The following MRPS31 variants were observed in gnomAD, a reference collection of about 807,000 sequenced individuals.
MRPS31 encodes the protein small ribosomal subunit protein mS31.
Under a neutral mutation model 43.1 loss-of-function variants are expected in MRPS31, and 32 were observed. The observed-to-expected ratio is 0.74, with a 90% CI of 0.56 to 1.00. The LOEUF is 1.00. MRPS31 is among the 50% of genes least tolerant of loss of function. MRPS31 has a pLI of 0.00. For synonymous variants in MRPS31, 165 were observed against 161.6 expected, an observed-to-expected ratio of 1.02 and a Z score of -0.16; for missense variants, 437 against 466.7, an observed-to-expected ratio of 0.94 and a Z score of 0.59.
At position 40,744,363 on chromosome 13, in the gene MRPS31, A is replaced by G. The variant is rs548900946; in HGVS notation, c.958+4775T>C. On this transcript the variant is annotated intron_variant, in intron 6 of 6. Transcript: ENST00000323563. ...CCTGAACCTAAAATTAAAGTTGGAA[A>G]TAAAAAAATAGGAAGAAAACACAAA... Among the ~76,000 whole-genome samples the G allele has an allele frequency of 2.6e-5, 4 of 152,354 alleles. No homozygotes were observed. In the South Asian group the frequency reaches 8.3e-4, roughly 32 times the overall value.
At chr13:40,770,803 G>T in intron 1 of MRPS31, 182 bp downstream of exon 1, 1 of 702,966 alleles carries the variant, frequency 1.4e-6, no homozygotes, top group South Asian at 1.8e-5. Flanking sequence ...ACAGCGACCA[G>T]GTTTGTAATC....
At chr13:40,761,419 T>C (rs1008134610) in intron 2 of MRPS31, among the ~76,000 whole-genome samples, 3 of 152,240 alleles carry the variant, frequency 2.0e-5, no homozygotes, top group Admixed American at 6.5e-5. Flanking sequence ...TTTTAATATA[T>C]TTGATCAAAG....
chr13:40,743,494 C>G (rs1216149308), intron 6 of MRPS31, among the ~76,000 whole-genome samples: 1 of 152,056 alleles, frequency 6.6e-6, no homozygotes, highest in Non-Finnish European at 1.5e-5. Context: ...GGAACTCAAA[C>G]AATTGAAGAA....
At chr13:40,750,772 ATT>A (rs1491520546) in intron 5 of MRPS31, among the ~76,000 whole-genome samples, 21 of 132,436 alleles carry the variant, frequency 1.6e-4, no homozygotes, top group Middle Eastern at 4.1e-3. Flanking sequence ...ATATATATAT[ATT>A]ACATATATAT....
intron 5 of MRPS31, among the ~76,000 whole-genome samples, chr13:40,751,844 TATA>T (rs1880399720): frequency 6.6e-6 from 1 of 152,134 alleles, no homozygotes. Flanking sequence ...CTAACTAGAG[TATA>T]ATAATTTGAT....
chr13:40,747,581 C>A (rs1467660693), intron 6 of MRPS31, among the ~76,000 whole-genome samples: 1 of 152,106 alleles, frequency 6.6e-6, no homozygotes, highest in Non-Finnish European at 1.5e-5. Context: ...ATTGCAGGTA[C>A]TATATGAATA....
rs1481732456 is a variant in MRPS31 at position 40,766,757 on chromosome 13, A to T, written c.429T>A (p.Ala143=). The T allele has an allele frequency of 1.9e-6, 3 of 1,603,644 alleles. No homozygotes were observed. In the East Asian group the frequency reaches 6.7e-5, roughly 36 times the overall value. ...LGRLRRATEY[A]PKKRIEPLSP... is the part of the protein sequence containing the mutation. ...ACAATTAAATTTACCTCTTCTTTGG[A>T]GCATATTCTGTAGCTCTTCGAAGCC... The change falls in exon 2 of 7, where the codon GCT becomes GCA. Residue 143 remains alanine, a synonymous_variant. Transcript: ENST00000323563.
chr13:40,770,108 C>A (rs2138022213), intron 1 of MRPS31, among the ~76,000 whole-genome samples: 2 of 152,338 alleles, frequency 1.3e-5, no homozygotes, highest in South Asian at 4.1e-4. Context: ...AATACTCCAA[C>A]GCAGCCAGTT....
chr13:40,756,664 G>A (rs1011548436), intron 4 of MRPS31, among the ~76,000 whole-genome samples: 2 of 152,126 alleles, frequency 1.3e-5, no homozygotes, highest in African/African-American at 4.8e-5. Flanking sequence ...TTTGATTTCA[G>A]GTATGGAAAA....
At chr13:40,767,181 G>C (rs1385623996) in intron 1 of MRPS31, 148 bp from the exon 2 acceptor site, 9 of 669,520 alleles carry the variant, frequency 1.3e-5, no homozygotes, top group South Asian at 2.3e-5. Context: ...TTTTGAGACG[G>C]AGTTTCGCTC....
chr13:40,756,878 T>G lies in MRPS31; in HGVS notation c.735A>C (p.Lys245Asn), dbSNP rs377188729. 1.7e-5 allele frequency: 28 copies of G among 1,612,820 alleles called. No individual in the cohort carries two copies. Among genetic ancestry groups the G allele is most frequent in the Non-Finnish European group, 2.2e-5 (26 of 1,179,722 alleles). ...CAGATTACAAAGCCTGATACCTTTT[T>G]TTAAGATCATCCGTCTTCTCCTGGC... ...YPGQEKTDDL[K>N]KRKNIFTGKR... Residue 245 changes from lysine (K) to asparagine (N), a missense_variant, in exon 4 of 7, where the codon AAA becomes AAC. Transcript: ENST00000323563.
At chr13:40,738,022 A>G (rs1377356433) in intron 6 of MRPS31, among the ~76,000 whole-genome samples, 1 of 152,060 alleles carries the variant, frequency 6.6e-6, no homozygotes, top group Non-Finnish European at 1.5e-5. Context: ...AAGGATCAAC[A>G]AAATTGATAG....
intron 6 of MRPS31, among the ~76,000 whole-genome samples, chr13:40,734,039 G>A (rs1226266186): frequency 6.6e-6 from 1 of 151,210 alleles, no homozygotes; most frequent in African/African-American, 2.4e-5. Flanking sequence ...TGAGGCAGGA[G>A]AATAGCTTGA....
At chr13:40,744,339 CT>C (rs1405895841) in intron 6 of MRPS31, among the ~76,000 whole-genome samples, 1 of 152,020 alleles carries the variant, frequency 6.6e-6, no homozygotes, top group Admixed American at 6.6e-5. Context: ...ACATGTACCC[CT>C]GAACCTAAAA....
intron 4 of MRPS31, among the ~76,000 whole-genome samples, chr13:40,754,726 CAGTTTATAA>C (rs1166110655): frequency 6.6e-6 from 1 of 152,142 alleles, no homozygotes; most frequent in Non-Finnish European, 1.5e-5. Context: ...GATTAAAATC[CAGTTTATAA>C]ACTGGATGGC....
intron 2 of MRPS31, among the ~76,000 whole-genome samples, chr13:40,759,710 A>G (rs1880639971): frequency 6.6e-6 from 1 of 152,218 alleles, no homozygotes; most frequent in Admixed American, 6.5e-5. Flanking sequence ...GGGGTGAGGG[A>G]CAGATCAGCC....
chr13:40,731,126 T>C (rs9566573), intron 6 of MRPS31: 8 of 151,988 alleles, frequency 5.3e-5, no homozygotes, highest in Non-Finnish European at 1.2e-4. Context: ...TGGTGGCACA[T>C]GCCTGTAGTC....
At chr13:40,767,497 A>G (rs964781190) in intron 1 of MRPS31, among the ~76,000 whole-genome samples, 5 of 152,218 alleles carry the variant, frequency 3.3e-5, no homozygotes, top group Non-Finnish European at 7.3e-5. Flanking sequence ...TTAACTCCCT[A>G]AGGTCTCTAT....
At chr13:40,762,491 T>C (rs1208293992) in intron 2 of MRPS31, among the ~76,000 whole-genome samples, 1 of 150,958 alleles carries the variant, frequency 6.6e-6, no homozygotes. Flanking sequence ...TGGAGTACAG[T>C]GACACAACCA....
Sources: gnomAD v4.1 joint callset for allele counts (sites outside exome capture counted in the v4.1 genomes callset) on GRCh38, gnomAD v4.1.1 for gene constraint, MANE v1.5 for transcripts, NCBI Gene and HGNC (gene_info 2026-07-23, HGNC 2026-07-21) for gene names.